The following SHCBP1 variants were observed in gnomAD, a reference collection of about 807,000 sequenced individuals.
The protein encoded by SHCBP1 is SHC binding and spindle associated 1.
In SHCBP1, 60 loss-of-function variants were observed where a neutral mutation model predicts 75.1. The ratio of observed to expected loss-of-function variants is 0.80; its 90% CI spans 0.65 to 0.99. SHCBP1 has a LOEUF of 0.99. SHCBP1 is among the 50% of genes least tolerant of loss of function. The probability of loss-of-function intolerance (pLI) is 0.00; values close to 1 mark genes in which losing one functional copy is unlikely to be tolerated. For missense variants in SHCBP1, 709 were observed against 809.4 expected (o/e 0.88, Z 1.50); for synonymous variants, 290 against 293.2 (o/e 0.99, Z 0.11).
In SHCBP1 at chr16:46,581,804, C is replaced by T; in HGVS notation, c.1944G>A (p.Gln648=). The change falls in exon 13 of 13, where the codon CAG becomes CAA. Residue 648 remains glutamine, a synonymous_variant. Coordinates refer to ENST00000303383, the MANE Select transcript of SHCBP1 (RefSeq NM_024745.5). ...ITQADDNLMS[Q]EMFVGIVGNQ... ...TCCCCACAATCCCAACAAACATCTC[C>T]TGTGACATTAAGTTGTCATCAGCTT... The T allele has an allele frequency of 6.2e-7, 1 of 1,614,206 alleles. No homozygotes were observed. Among genetic ancestry groups the T allele is most frequent in the East Asian group, 2.2e-5 (1 of 44,880 alleles).
Position 46,595,603 on chromosome 16 carries a change from C to T in SHCBP1, c.1413G>A (p.Val471=). ...TCATTAGAAACTCTGCTGATGTCCG[C>T]ACTGTGACTCCGGTCGTCTCACACT... The part of the protein sequence containing the change: ...VLQCETTGVT[V]RTSAEFLMKN... The change falls in exon 10 of 13, where the codon GTG becomes GTA. Residue 471 remains valine (V), a synonymous_variant. Coordinates refer to ENST00000303383, the MANE Select transcript of SHCBP1 (RefSeq NM_024745.5). 1 of 1,614,188 alleles carries T rather than the reference C, an allele frequency of 6.2e-7. No individual in the cohort carries two copies. The highest frequency in any genetic ancestry group is 8.5e-7 in the Non-Finnish European group (1 of 1,180,030).
chr16:46,595,151 T>C (rs1190898681), intron 10 of SHCBP1, among the ~76,000 whole-genome samples: 3 of 152,166 alleles, frequency 2.0e-5, no homozygotes, highest in South Asian at 2.1e-4. Flanking sequence ...CCTGTGGTGA[T>C]GGGAATATTC....
intron 9 of SHCBP1, 117 bp from the exon 10 acceptor site, chr16:46,595,787 A>G: frequency 1.7e-6 from 1 of 597,986 alleles, no homozygotes; most frequent in Non-Finnish European, 2.8e-6. Context: ...CTATCATTTA[A>G]ATTTTCTTAC....
At chr16:46,600,203 A>C (rs1054543715) in intron 8 of SHCBP1, among the ~76,000 whole-genome samples, 1 of 152,180 alleles carries the variant, frequency 6.6e-6, no homozygotes, top group African/African-American at 2.4e-5. Flanking sequence ...CCTATCAACT[A>C]TCCCACATCA....
intron 10 of SHCBP1, among the ~76,000 whole-genome samples, chr16:46,588,138 C>T (rs536317828): frequency 6.6e-6 from 1 of 152,162 alleles, no homozygotes; most frequent in Non-Finnish European, 1.5e-5. Flanking sequence ...AAAGACACAA[C>T]ATACCAGAAT....
In SHCBP1 at chr16:46,592,951, CAAAAAAA is replaced by C; in HGVS notation, c.1464+2594_1464+2600del. On this transcript the variant is annotated intron_variant, in intron 10 of 12. Coordinates refer to ENST00000303383, the MANE Select transcript of SHCBP1 (RefSeq NM_024745.5). ...AACATCCACTTATGATAAAAATTCTCAAAAAAAAAAAAAAAAAAAAAAAAAGCAGAAA... is the reference window on the plus strand; with the variant it reads ...AACATCCACTTATGATAAAAATTCTCAAAAAAAAAAAAAAAAAAGCAGAAA... Among the ~76,000 whole-genome samples the C allele has an allele frequency of 3.8e-3, 87 of 22,792 alleles. 1 individual carries two copies. The highest frequency in any genetic ancestry group is 8.6e-3 in the African/African-American group (64 of 7,456). 15.0% of individuals were successfully genotyped at this position (22,792 alleles called of 152,430 possible). A position where few individuals can be genotyped will look rare whatever the true frequency, so the allele number is the denominator to read the frequency against.
chr16:46,619,061 C>T (rs189390375), intron 1 of SHCBP1, among the ~76,000 whole-genome samples: 6 of 152,256 alleles, frequency 3.9e-5, no homozygotes, highest in African/African-American at 1.4e-4. Context: ...TCTTAATAAT[C>T]CATAAGGTTT....
Position 46,578,654 on chromosome 16 carries a change from TCAC to T in SHCBP1, c.*3072_*3074del, listed in dbSNP as rs949997929. On this transcript the variant is annotated 3_prime_UTR_variant, in exon 13 of 13. Coordinates refer to ENST00000303383, the MANE Select transcript of SHCBP1 (RefSeq NM_024745.5). ...GAGAACTAAAAAAAGAGGAGAATGT[TCAC>T]CACATATAAGACTTTAAAACATATA... Among the ~76,000 whole-genome samples the T allele has an allele frequency of 9.9e-5, 15 of 152,146 alleles. No individual in the cohort carries two copies. The highest frequency in any genetic ancestry group is 1.2e-4 in the Non-Finnish European group (8 of 68,022).
At chr16:46,615,919 G>C in intron 4 of SHCBP1, 27 bp downstream of exon 4, 3 of 1,610,736 alleles carry the variant, frequency 1.9e-6, no homozygotes, top group Non-Finnish European at 2.5e-6. Flanking sequence ...TGGCCACAAG[G>C]TTATTTTTCT....
chr16:46,603,427 A>G (rs974638186), intron 8 of SHCBP1, 112 bp downstream of exon 8: 9 of 1,464,240 alleles, frequency 6.1e-6, no homozygotes, highest in East Asian at 2.3e-5. Flanking sequence ...GCAGCTCACT[A>G]GAAATCAAAT....
chr16:46,614,283 C>A (rs1239752136), intron 4 of SHCBP1, among the ~76,000 whole-genome samples: 1 of 152,070 alleles, frequency 6.6e-6, no homozygotes, highest in Non-Finnish European at 1.5e-5. Context: ...CTCAGCAAAA[C>A]CACGTTAACT....
intron 1 of SHCBP1, among the ~76,000 whole-genome samples, chr16:46,619,897 T>G (rs2143002690): frequency 6.6e-6 from 1 of 152,122 alleles, no homozygotes; most frequent in East Asian, 1.9e-4. Flanking sequence ...TAGCTGGGTG[T>G]GGTGGCGGGC....
chr16:46,579,103 T>G lies in SHCBP1; in HGVS notation c.*2626A>C, dbSNP rs1460233755. Reference sequence around the variant, plus strand: ...AGAAGGGAAATACATCTAAAGAAGCTAAAATAAAATACTCAAATCAGCAAA... The same window carrying G: ...AGAAGGGAAATACATCTAAAGAAGCGAAAATAAAATACTCAAATCAGCAAA... On this transcript the variant is annotated 3_prime_UTR_variant, in exon 13 of 13. Transcript: ENST00000303383. Among the ~76,000 whole-genome samples, 2 of 152,130 alleles carry G rather than the reference T, an allele frequency of 1.3e-5. No homozygotes were observed. The highest frequency in any genetic ancestry group is 2.9e-5 in the Non-Finnish European group (2 of 68,002).
rs749780017 is a variant in SHCBP1, at chr16:46,599,888, C to A, written c.1288G>T (p.Asp430Tyr). 6.2e-7 allele frequency: 1 copy of A among 1,612,818 alleles called. No individual in the cohort carries two copies. Among genetic ancestry groups the A allele is most frequent in the East Asian group, 2.2e-5 (1 of 44,826 alleles). ...GDTFVDCTGA[D>Y]IKISGIKFVQ... is the part of the protein sequence containing the mutation. ...AATTTTATGCCTGAGATTTTAATAT[C>A]AGCACCAGTGCAGTCCACAAAAGTG... Residue 430 changes from aspartate (D) to tyrosine (Y), a missense_variant, in exon 9 of 13, where the codon GAT becomes TAT. Asp to Tyr is a radical substitution (Grantham distance 160). Transcript: ENST00000303383.
At chr16:46,592,678 T>C (rs1440020299) in intron 10 of SHCBP1, among the ~76,000 whole-genome samples, 1 of 151,894 alleles carries the variant, frequency 6.6e-6, no homozygotes, top group African/African-American at 2.4e-5. Context: ...TTCATGAATA[T>C]AGATGCAAAA....
At chr16:46,588,773 A>T (rs1470676321) in intron 10 of SHCBP1, among the ~76,000 whole-genome samples, 1 of 152,200 alleles carries the variant, frequency 6.6e-6, no homozygotes, top group Admixed American at 6.5e-5. Flanking sequence ...TTCCTTCTGA[A>T]ACTATTCCAA....
Position 46,579,347 on chromosome 16 carries a change from A to T in SHCBP1, c.*2382T>A, listed in dbSNP as rs929443885. 6.6e-6 allele frequency among the ~76,000 whole-genome samples: 1 copy of T among 152,228 alleles called. No individual in the cohort carries two copies. The highest frequency in any genetic ancestry group is 2.1e-4 in the South Asian group (1 of 4,830). ...ATGATTGAGGCAAAATGTACTGCAT[A>T]TAACTTAAATAAGAACAAAGTAGGC... is the stretch of plus-strand genomic sequence containing the variant. On this transcript the variant is annotated 3_prime_UTR_variant, in exon 13 of 13. Coordinates refer to ENST00000303383, the MANE Select transcript of SHCBP1 (RefSeq NM_024745.5).
rs1386243683 is a variant in SHCBP1, at chr16:46,616,968, G to A, written c.387+666C>T. Among the ~76,000 whole-genome samples, 5 of 152,166 alleles carry A rather than the reference G, an allele frequency of 3.3e-5. No individual in the cohort carries two copies. The highest frequency in any genetic ancestry group is 7.3e-5 in the Non-Finnish European group (5 of 68,028). On this transcript the variant is annotated intron_variant, in intron 3 of 12. Coordinates refer to ENST00000303383, the MANE Select transcript of SHCBP1 (RefSeq NM_024745.5). The surrounding 1 kb of genome is among the most constrained non-coding windows in gnomAD (Gnocchi z 4.4). ...GATGCCATTTTCTAAGGGAGCTGCAGCAACAACTTGTATTCACACTCCCTG... is the reference window on the plus strand; with the variant it reads ...GATGCCATTTTCTAAGGGAGCTGCAACAACAACTTGTATTCACACTCCCTG...
At position 46,621,337 on chromosome 16, in the gene SHCBP1, C is replaced by T; in HGVS notation, c.23G>A (p.Gly8Asp). Residue 8 changes from glycine (G) to aspartate (D), a missense_variant, in exon 1 of 13, where the codon GGC becomes GAC. Physicochemically the swap from Gly to Asp is moderately conservative, Grantham distance 94. Coordinates refer to ENST00000303383, the MANE Select transcript of SHCBP1 (RefSeq NM_024745.5). ...CATGGCCGCTGCCTCCAGACCGCCG[C>T]CCGTCAGCGACCCGTCAGCCATTTC... MADGSLTGGGLEAAAMAP... is the reference protein window; with the variant it reads MADGSLTDGGLEAAAMAP... 6.2e-7 allele frequency: 1 copy of T among 1,611,420 alleles called. No individual in the cohort carries two copies. The highest frequency in any genetic ancestry group is 8.5e-7 in the Non-Finnish European group (1 of 1,179,176).
Sources: gnomAD v4.1 joint callset for allele counts (sites outside exome capture counted in the v4.1 genomes callset) on GRCh38, gnomAD v4.1.1 for gene constraint, Gnocchi (gnomAD v3.1) non-coding constraint, MANE v1.5 for transcripts, NCBI Gene and HGNC (gene_info 2026-07-23, HGNC 2026-07-21) for gene names.